The following ARHGAP40 variants were observed in gnomAD, a reference collection of about 807,000 sequenced individuals.
The protein encoded by ARHGAP40 is rho GTPase-activating protein 40.
Under a neutral mutation model 73.5 loss-of-function variants are expected in ARHGAP40, and 43 were observed. That is an observed-to-expected ratio of 0.58 (90% confidence interval 0.46 to 0.75). The LOEUF is 0.75. Ranked by LOEUF, ARHGAP40 falls within the 30% of genes least tolerant of loss-of-function variation. ARHGAP40 has a pLI of 0.00. For missense variants in ARHGAP40, 734 were observed against 861.8 expected (o/e 0.85, Z 1.86); for synonymous variants, 300 against 352.8 (o/e 0.85, Z 1.68).
In ARHGAP40 at chr20:38,619,610, C is replaced by T. The variant is rs907496592; in HGVS notation, c.138-3749C>T. 4.8e-5 allele frequency among the ~76,000 whole-genome samples: 7 copies of T among 145,478 alleles called. No homozygotes were observed. The South Asian group carries it at 7.1e-4, about 15-fold the overall frequency. ...CAGATTACTTCATTTACACCTGGGG[C>T]CTCCCTAAATCATCTAGTATGGCAG... On this transcript the variant is annotated intron_variant, in intron 1 of 14. Transcript: ENST00000373345.
At chr20:38,617,531 C>T (rs1198020843) in intron 1 of ARHGAP40, among the ~76,000 whole-genome samples, 3 of 152,030 alleles carry the variant, frequency 2.0e-5, no homozygotes, top group South Asian at 2.1e-4. Context: ...AGCAGGGGAG[C>T]TTGGATGGGA....
At chr20:38,627,536 TGTGTGTGTTG>T (rs1568607696) in intron 3 of ARHGAP40, among the ~76,000 whole-genome samples, 1 of 80,436 alleles carries the variant, frequency 1.2e-5, no homozygotes, top group African/African-American at 4.7e-5. Context: ...GGGGTATGTG[TGTGTGTGTTG>T]GTGTGTGTTG....
At position 38,630,915 on chromosome 20, in the gene ARHGAP40, C is replaced by T. The variant is rs191400051; in HGVS notation, c.783+1265C>T. 8.1e-3 allele frequency among the ~76,000 whole-genome samples: 1,235 copies of T among 152,214 alleles called. 19 individuals are homozygous for T. The highest frequency in any genetic ancestry group is 0.027 in the African/African-American group (1,139 of 41,532). On this transcript the variant is annotated intron_variant, in intron 5 of 14. Transcript: ENST00000373345. ...TTCTTTGACCACGTGATGATGCAGT[C>T]GATGCAATCTTAGGTAACATTTTAC...
intron 1 of ARHGAP40, among the ~76,000 whole-genome samples, chr20:38,619,304 T>G (rs1331680830): frequency 6.6e-6 from 1 of 152,116 alleles, no homozygotes; most frequent in African/African-American, 2.4e-5. Flanking sequence ...GCTTGGAAGA[T>G]CTTTCTGAAC....
chr20:38,622,900 G>A (rs2088880493), intron 1 of ARHGAP40, among the ~76,000 whole-genome samples: 1 of 152,174 alleles, frequency 6.6e-6, no homozygotes, highest in African/African-American at 2.4e-5. Flanking sequence ...GAGATGAGGT[G>A]CTCCTGTGAT....
At chr20:38,649,580 G>T (rs2089075718) in intron 14 of ARHGAP40, among the ~76,000 whole-genome samples, 177 bp from the exon 15 acceptor site, 1 of 152,192 alleles carries the variant, frequency 6.6e-6, no homozygotes, top group African/African-American at 2.4e-5. Flanking sequence ...CACTTTTCTG[G>T]CAAGGCATCT....
At chr20:38,638,652 C>T (rs2088993169) in intron 7 of ARHGAP40, 109 bp from the exon 8 acceptor site, 1 of 754,944 alleles carries the variant, frequency 1.3e-6, no homozygotes, top group Non-Finnish European at 2.0e-6. Context: ...GAAGGAAACC[C>T]TTCTCCTGGT....
At chr20:38,614,106 A>T (rs2088819393) in intron 1 of ARHGAP40, among the ~76,000 whole-genome samples, 1 of 152,162 alleles carries the variant, frequency 6.6e-6, no homozygotes, top group African/African-American at 2.4e-5. Context: ...CCCGATGTTC[A>T]GGTTGTGCAC....
intron 3 of ARHGAP40, among the ~76,000 whole-genome samples, chr20:38,627,979 A>G (rs1048233991): frequency 1.3e-5 from 2 of 152,180 alleles, no homozygotes; most frequent in East Asian, 1.9e-4. Flanking sequence ...AAACAACACT[A>G]TGGAGGCAGC....
intron 1 of ARHGAP40, 134 bp from the exon 2 acceptor site, chr20:38,623,225 T>C: frequency 1.6e-6 from 1 of 606,394 alleles, no homozygotes; most frequent in Non-Finnish European, 2.4e-6. Context: ...GAGATCACCC[T>C]GAGAAACATG....
At chr20:38,638,468 A>G (rs1946542668) in intron 7 of ARHGAP40, among the ~76,000 whole-genome samples, 2 of 152,208 alleles carry the variant, frequency 1.3e-5, no homozygotes. Context: ...TAACTTCTGA[A>G]TCTTAAAGTC....
At chr20:38,612,475 A>G (rs2088809708) in intron 1 of ARHGAP40, among the ~76,000 whole-genome samples, 1 of 152,154 alleles carries the variant, frequency 6.6e-6, no homozygotes, top group African/African-American at 2.4e-5. Flanking sequence ...GGAGCTTGAG[A>G]CCAGCCTGGC....
chr20:38,610,883 C>CTTTTTTTTTTTTTTTTT (rs60110231), intron 1 of ARHGAP40, among the ~76,000 whole-genome samples: 2 of 139,052 alleles, frequency 1.4e-5, no homozygotes, highest in African/African-American at 2.7e-5. Flanking sequence ...GATGTCTTTT[C>CTTTTTTTTTTTTTTTTT]TTTTTTTTTT....
chr20:38,610,841 T>C (rs1355014244), intron 1 of ARHGAP40, among the ~76,000 whole-genome samples: 1 of 152,080 alleles, frequency 6.6e-6, no homozygotes, highest in Admixed American at 6.5e-5. Flanking sequence ...GGTTATCTTA[T>C]TGTCACAAAA....
intron 2 of ARHGAP40, among the ~76,000 whole-genome samples, chr20:38,625,672 G>A (rs1301044365): frequency 1.3e-5 from 2 of 152,154 alleles, no homozygotes; most frequent in East Asian, 3.9e-4. Context: ...GCCCACCTTG[G>A]CCTCCCAAAG....
chr20:38,603,309 A>G (rs2088747314), intron 1 of ARHGAP40, among the ~76,000 whole-genome samples: 1 of 152,242 alleles, frequency 6.6e-6, no homozygotes, highest in Non-Finnish European at 1.5e-5. Flanking sequence ...CTGAGCTCCT[A>G]TGTGCGTGGG....
At chr20:38,624,534 G>A (rs746128598) in intron 2 of ARHGAP40, among the ~76,000 whole-genome samples, 78 of 152,208 alleles carry the variant, frequency 5.1e-4, no homozygotes, top group South Asian at 2.3e-3. Flanking sequence ...AATTGGCTTC[G>A]TGCCTCCTCT....
Position 38,646,091 on chromosome 20 carries a change from T to C in ARHGAP40, c.1614T>C (p.Ser538=), listed in dbSNP as rs142154246. Residue 538 remains serine (S), a synonymous_variant, in exon 12 of 15, where the codon AGT becomes AGC. Coordinates refer to ENST00000373345, the Ensembl canonical transcript of ARHGAP40. This position sits in a 1 kb window ranked among gnomAD's most constrained non-coding sequence, Gnocchi z 4.5. The stretch of plus-strand genomic sequence containing the variant: ...CCCAGGTGCGAAAACTGAACGACAG[T>C]AGCAGCAGGCGCCCCCAGCTCTGCG... 18 of 1,304,200 alleles carry C rather than the reference T, an allele frequency of 1.4e-5. No homozygotes were observed. Among genetic ancestry groups the C allele is most frequent in the African/African-American group, 1.1e-4 (7 of 65,990 alleles). 80.8% of individuals were successfully genotyped at this position (1,304,200 alleles called of 1,614,324 possible). A position where few individuals can be genotyped will look rare whatever the true frequency, so the allele number is the denominator to read the frequency against.
intron 10 of ARHGAP40, among the ~76,000 whole-genome samples, chr20:38,642,646 A>G (rs1190465394): frequency 8.1e-6 from 1 of 123,266 alleles, no homozygotes; most frequent in South Asian, 2.6e-4. Flanking sequence ...CCTCCCTTCC[A>G]TTTATTCTTC....
Sources: gnomAD v4.1 joint callset for allele counts (sites outside exome capture counted in the v4.1 genomes callset) on GRCh38, gnomAD v4.1.1 for gene constraint, Gnocchi (gnomAD v3.1) non-coding constraint, MANE v1.5 for transcripts, NCBI Gene and HGNC (gene_info 2026-07-23, HGNC 2026-07-21) for gene names.